The following IGFN1 variants were observed in gnomAD, a reference collection of about 807,000 sequenced individuals.
IGFN1 encodes immunoglobulin like and fibronectin type III domain containing 1.
A neutral mutation model predicts 289.5 loss-of-function variants in IGFN1; 253 were observed. That is an observed-to-expected ratio of 0.87 (90% CI 0.79 to 0.97). The LOEUF is 0.97. IGFN1 is among the 50% of genes least tolerant of loss of function. The pLI is 0.00. For synonymous variants in IGFN1, 1,706 were observed against 1,788.5 expected (o/e 0.95, Z 1.16); for missense variants, 4,470 against 4,686.1 (o/e 0.95, Z 1.35).
chr1:201,215,885 T>C (rs1322234481), intron 15 of IGFN1, 47 bp downstream of exon 15: 3 of 1,569,656 alleles, frequency 1.9e-6, no homozygotes, highest in South Asian at 1.2e-5. Flanking sequence ...GTCCCTGGGG[T>C]TCTGGGCCCT....
At position 201,212,882 on chromosome 1, in the gene IGFN1, GA is replaced by G; in HGVS notation, c.7990del (p.Thr2664ProfsTer78). ...LQEKDAAFGG[T>X]HEGPGGFKGG... ...AGGAGAAAGATGCCGCTTTTGGTGG[GA>G]CCCATGAAGGGCCAGGGGGCTTTAA... On this transcript the variant is annotated frameshift_variant, in exon 12 of 24. Transcript: ENST00000335211. LOFTEE classifies it high-confidence loss of function. 1 of 1,551,324 alleles carries G rather than the reference GA, an allele frequency of 6.4e-7. No homozygotes were observed. The highest frequency in any genetic ancestry group is 2.4e-5 in the East Asian group (1 of 40,926).
chr1:201,196,644 CAGGAGTTGTTATG>C (rs1482300639), intron 4 of IGFN1, among the ~76,000 whole-genome samples: 3 of 152,078 alleles, frequency 2.0e-5, no homozygotes, highest in African/African-American at 7.2e-5. Context: ...TGCGCCTGGC[CAGGAGTTGTTATG>C]AGGATGAAAG....
chr1:201,216,254 G>A (rs1014075081), intron 15 of IGFN1, 200 bp from the exon 16 acceptor site: 6 of 601,410 alleles, frequency 1.0e-5, no homozygotes, highest in Non-Finnish European at 1.5e-5. Context: ...TGTGTTGGGG[G>A]TGGAGACATC....
At chr1:201,194,349 C>T (rs1666795680) in intron 3 of IGFN1, 76 bp downstream of exon 3, 4 of 1,505,624 alleles carry the variant, frequency 2.7e-6, no homozygotes, top group African/African-American at 1.4e-5. Flanking sequence ...GGCTGGGGCA[C>T]CAACCTTCCT....
In IGFN1 at chr1:201,212,367, GA is replaced by G; in HGVS notation, c.7476del (p.Glu2492AspfsTer20). 1 of 1,536,922 alleles carries G rather than the reference GA, an allele frequency of 6.5e-7. No homozygotes were observed. Among genetic ancestry groups the G allele is most frequent in the Non-Finnish European group, 8.7e-7 (1 of 1,146,826 alleles). Reference sequence around the variant, plus strand: ...TGCCAAGGGAAAACCAGATGTCAAAGAATGGCAAGACAGTTCTGGGACTCCA... The same window carrying G: ...TGCCAAGGGAAAACCAGATGTCAAAGATGGCAAGACAGTTCTGGGACTCCA... ...AGAKGKPDVK[E>X]WQDSSGTPGS... is the part of the protein sequence containing the mutation. On this transcript the variant is annotated frameshift_variant, in exon 12 of 24. Transcript: ENST00000335211. LOFTEE classifies it high-confidence loss of function.
In IGFN1 at chr1:201,215,018, C is replaced by T; in HGVS notation, c.8859C>T (p.Thr2953=). The T allele has an allele frequency of 6.2e-7, 1 of 1,613,658 alleles. No homozygotes were observed. The highest frequency in any genetic ancestry group is 8.5e-7 in the Non-Finnish European group (1 of 1,179,770). The change falls in exon 14 of 24, where the codon ACC becomes ACT. Residue 2953 remains threonine (T), a synonymous_variant. Coordinates refer to ENST00000335211, the MANE Select transcript of IGFN1 (RefSeq NM_001164586.2). The stretch of plus-strand genomic sequence containing the variant: ...TGCTGTGGCCCTGTCTCCAGCTCAC[C>T]ACCCAGGATGGAGTCATCTTTAAGC... The part of the protein sequence containing the change: ...GTWFKDGVKL[T]TQDGVIFKQD...
chr1:201,203,430 A>G (rs1667248085), intron 9 of IGFN1, among the ~76,000 whole-genome samples: 1 of 152,202 alleles, frequency 6.6e-6, no homozygotes, highest in South Asian at 2.1e-4. Flanking sequence ...GGGCTGCTGG[A>G]GAGTAACTCT....
intron 19 of IGFN1, 30 bp from the exon 20 acceptor site, chr1:201,222,709 G>A (rs1653810388): frequency 6.5e-7 from 1 of 1,550,376 alleles, no homozygotes; most frequent in Non-Finnish European, 8.9e-7. Context: ...GAGGGAGGAG[G>A]GAGGTAACCA....
chr1:201,193,106 A>G (rs1455753187), intron 1 of IGFN1, 141 bp from the exon 2 acceptor site: 1 of 593,330 alleles, frequency 1.7e-6, no homozygotes, highest in Non-Finnish European at 3.0e-6. Flanking sequence ...AATCAGTGCC[A>G]TTAGTGGGTT....
chr1:201,226,594 A>G (rs983484663), intron 22 of IGFN1, among the ~76,000 whole-genome samples: 9 of 152,234 alleles, frequency 5.9e-5, no homozygotes, highest in African/African-American at 1.7e-4. Context: ...ATAGTCATCT[A>G]TAGGTAGTGA....
Position 201,213,281 on chromosome 1 carries a change from G to A in IGFN1, c.8388G>A (p.Glu2796=), listed in dbSNP as rs1386249227. Residue 2796 remains glutamate, a synonymous_variant, in exon 12 of 24, where the codon GAG becomes GAA. Coordinates refer to ENST00000335211, the MANE Select transcript of IGFN1 (RefSeq NM_001164586.2). ...TCCAGGGTCCTGGGGCCCTAAAGGA[G>A]GATGAAGGGCAGGGAGTGGAAGAGG... ...GEVQGPGALK[E]DEGQGVEEAG... is the part of the protein sequence containing the mutation. 6.4e-7 allele frequency: 1 copy of A among 1,557,766 alleles called. No individual in the cohort carries two copies. Among genetic ancestry groups the A allele is most frequent in the Admixed American group, 2.0e-5 (1 of 51,256 alleles).
chr1:201,207,562 T>A lies in IGFN1; in HGVS notation c.2669T>A (p.Leu890Gln). The change falls in exon 12 of 24, where the codon CTA becomes CAA. Residue 890 changes from leucine to glutamine, a missense_variant. By Grantham distance (113) the Leu-to-Gln change is moderately radical. Coordinates refer to ENST00000335211, the MANE Select transcript of IGFN1 (RefSeq NM_001164586.2). ...GGGGTGGATGCCAGAAGCCACTGGC[T>A]AAGTAGGGCTCCAGGCCTGGGTGCT... ...GQGVDARSHW[L>Q]SRAPGLGAQG... 6.5e-7 allele frequency: 1 copy of A among 1,536,812 alleles called. No homozygotes were observed.
intron 3 of IGFN1, among the ~76,000 whole-genome samples, chr1:201,195,584 G>C (rs757918760): frequency 2.0e-5 from 3 of 152,072 alleles, no homozygotes; most frequent in Non-Finnish European, 4.4e-5. Context: ...CAGTCCACCT[G>C]TCTCTTTCCC....
intron 4 of IGFN1, 122 bp downstream of exon 4, chr1:201,196,100 C>G: frequency 5.2e-6 from 5 of 968,856 alleles, no homozygotes; most frequent in Non-Finnish European, 7.3e-6. Flanking sequence ...AGGTTGAATC[C>G]ATTCAACTCC....
In IGFN1 at chr1:201,212,099, C is replaced by T. The variant is rs945314275; in HGVS notation, c.7206C>T (p.Ser2402=). 1.3e-6 allele frequency: 2 copies of T among 1,536,418 alleles called. No individual in the cohort carries two copies. The highest frequency in any genetic ancestry group is 1.7e-6 in the Non-Finnish European group (2 of 1,146,780). ...YWVASEGDTN[S]KDGPERARET... ...TAGCATCAGAGGGTGACACGAACTCCAAGGATGGTCCAGAGCGAGCCAGGG... is the reference window on the plus strand; with the variant it reads ...TAGCATCAGAGGGTGACACGAACTCTAAGGATGGTCCAGAGCGAGCCAGGG... Residue 2402 remains serine, a synonymous_variant, in exon 12 of 24, where the codon TCC becomes TCT. Coordinates refer to ENST00000335211, the MANE Select transcript of IGFN1 (RefSeq NM_001164586.2).
At chr1:201,219,042 AAAAAG>A (rs1230772819) in intron 18 of IGFN1, among the ~76,000 whole-genome samples, 6 of 129,146 alleles carry the variant, frequency 4.6e-5, no homozygotes, top group African/African-American at 1.5e-4. Flanking sequence ...TGTTACAAAA[AAAAAG>A]AAAAGAAAAG....
At position 201,207,054 on chromosome 1, in the gene IGFN1, A is replaced by G; in HGVS notation, c.2161A>G (p.Ile721Val). The stretch of plus-strand genomic sequence containing the variant: ...GGGGTCAGGAGAGTTGCTAGAACAG[A>G]TACCTGGAGGCAAGGACTTCCAGGA... ...YWGSGELLEQ[I>V]PGGKDFQEPS... The change falls in exon 12 of 24, where the codon ATA (isoleucine) becomes GTA (valine). Residue 721 changes from isoleucine (I) to valine (V), a missense_variant. Physicochemically the swap from Ile to Val is conservative, Grantham distance 29. Transcript: ENST00000335211. 6.5e-7 allele frequency: 1 copy of G among 1,536,976 alleles called. No homozygotes were observed. The highest frequency in any genetic ancestry group is 1.2e-5 in the South Asian group (1 of 84,052).
Position 201,227,069 on chromosome 1 carries a change from C to T in IGFN1, c.10974C>T (p.Pro3658=), listed in dbSNP as rs371400485. 156 of 1,613,548 alleles carry T rather than the reference C, an allele frequency of 9.7e-5. No individual in the cohort carries two copies. The highest frequency in any genetic ancestry group is 4.3e-4 in the African/African-American group (32 of 74,940). Residue 3658 remains proline, a synonymous_variant, in exon 23 of 24, where the codon CCC becomes CCT. Coordinates refer to ENST00000335211, the MANE Select transcript of IGFN1 (RefSeq NM_001164586.2). ...FKNDRSLEGN[P]AVYSTDLLGV... ...ATGACCGCAGCCTGGAAGGAAACCC[C>T]GCGGTGTACAGCACTGACCTGCTGG...
intron 6 of IGFN1, 36 bp from the exon 7 acceptor site, chr1:201,199,573 C>T: frequency 6.5e-7 from 1 of 1,539,048 alleles, no homozygotes; most frequent in Non-Finnish European, 8.8e-7. Context: ...AGTCATCCCA[C>T]CTGGGACTGA....
Sources: gnomAD v4.1 joint callset for allele counts (sites outside exome capture counted in the v4.1 genomes callset) on GRCh38, gnomAD v4.1.1 for gene constraint, MANE v1.5 for transcripts, NCBI Gene and HGNC (gene_info 2026-07-23, HGNC 2026-07-21) for gene names.